OPRD1: variants seen among roughly 807,000 people sequenced by gnomAD.
The protein encoded by OPRD1 is delta-type opioid receptor.
Under a neutral mutation model 17.5 loss-of-function variants are expected in OPRD1, and 19 were observed. The observed-to-expected ratio is 1.09, with a 90% confidence interval of 0.76 to 1.60. The LOEUF (loss-of-function observed/expected upper bound fraction) is 1.60, where lower values mean the gene tolerates loss of function less well. OPRD1 is among the 40% of genes most tolerant of loss of function. The pLI, the probability that OPRD1 is intolerant of heterozygous loss-of-function variation, is 0.00. For synonymous variants in OPRD1, 256 were observed against 240.9 expected (o/e 1.06, Z -0.58); for missense variants, 483 against 547.2 (o/e 0.88, Z 1.17).
intron 2 of OPRD1, 150 bp from the exon 3 acceptor site, chr1:28,862,592 G>T: frequency 1.4e-6 from 1 of 701,718 alleles, no homozygotes; most frequent in Non-Finnish European, 2.3e-6. Context: ...AGCCGAGGAG[G>T]ACACTCCAGA....
chr1:28,846,595 A>C (rs2088945556), intron 1 of OPRD1, among the ~76,000 whole-genome samples: 1 of 151,922 alleles, frequency 6.6e-6, no homozygotes, highest in Admixed American at 6.6e-5. Flanking sequence ...AGGCACGAGA[A>C]TCGCTTGAAC....
intron 1 of OPRD1, among the ~76,000 whole-genome samples, chr1:28,827,951 G>C (rs2088780358): frequency 6.6e-6 from 1 of 151,856 alleles, no homozygotes; most frequent in South Asian, 2.1e-4. Context: ...GCCCAGGCTG[G>C]TCTCGAGCTC....
chr1:28,847,041 C>T (rs1404499661), intron 1 of OPRD1, among the ~76,000 whole-genome samples: 3 of 147,946 alleles, frequency 2.0e-5, no homozygotes, highest in African/African-American at 7.6e-5. Flanking sequence ...GTCCCCTTTC[C>T]TTTCCCCTTT....
chr1:28,834,450 G>A (rs1196981400), intron 1 of OPRD1, among the ~76,000 whole-genome samples: 1 of 147,118 alleles, frequency 6.8e-6, no homozygotes, highest in Non-Finnish European at 1.5e-5. Flanking sequence ...ACTCGATCTC[G>A]GTTCACTGCA....
At chr1:28,830,580 T>G (rs537741531) in intron 1 of OPRD1, among the ~76,000 whole-genome samples, 1 of 152,172 alleles carries the variant, frequency 6.6e-6, no homozygotes, top group Admixed American at 6.5e-5. Flanking sequence ...CCATAAGAGA[T>G]ATAATTATGA....
intron 1 of OPRD1, among the ~76,000 whole-genome samples, chr1:28,818,823 G>A (rs2088690332): frequency 6.6e-6 from 1 of 152,126 alleles, no homozygotes; most frequent in Non-Finnish European, 1.5e-5. Flanking sequence ...CTGGAGGCAG[G>A]CCCAGCATGA....
Position 28,863,334 on chromosome 1 carries a change from A to T in OPRD1, c.*51A>T. 2 of 1,399,492 alleles carry T rather than the reference A, an allele frequency of 1.4e-6. No individual in the cohort carries two copies. Among genetic ancestry groups the T allele is most frequent in the South Asian group, 3.2e-5 (2 of 63,220 alleles). The allele number at this position is 1,399,492 out of a possible 1,614,324, so 86.7% of individuals were successfully genotyped here. On this transcript the variant is annotated 3_prime_UTR_variant, in exon 3 of 3. Transcript: ENST00000234961. ...CCCTCCCTAGTGACCCGGAGGCCAC[A>T]TGAGTCCCAGTGGGAGGCGCGAGCC...
chr1:28,840,625 T>G (rs548340285), intron 1 of OPRD1, among the ~76,000 whole-genome samples: 1 of 152,226 alleles, frequency 6.6e-6, no homozygotes, highest in Non-Finnish European at 1.5e-5. Context: ...GAGGATTAAA[T>G]AATGTAAAAT....
In OPRD1 at chr1:28,812,449, C is replaced by T; in HGVS notation, c.66C>T (p.Ala22=). Residue 22 remains alanine, a synonymous_variant, in exon 1 of 3, where the codon GCC becomes GCT. Transcript: ENST00000234961. The part of the protein sequence containing the change: ...QPPLFANASD[A]YPSACPSAGA... Reference sequence around the variant, plus strand: ...CGCTCTTCGCCAACGCCTCGGACGCCTACCCTAGCGCCTGCCCCAGCGCTG... The same window carrying T: ...CGCTCTTCGCCAACGCCTCGGACGCTTACCCTAGCGCCTGCCCCAGCGCTG... 6.6e-7 allele frequency: 1 copy of T among 1,507,366 alleles called. No homozygotes were observed. Among genetic ancestry groups the T allele is most frequent in the Non-Finnish European group, 8.8e-7 (1 of 1,134,986 alleles). The allele number at this position is 1,507,366 out of a possible 1,614,324, so 93.4% of individuals were successfully genotyped here. A position where few individuals can be genotyped will look rare whatever the true frequency, so the allele number is the denominator to read the frequency against.
At chr1:28,822,173 C>T (rs1402513405) in intron 1 of OPRD1, among the ~76,000 whole-genome samples, 1 of 151,822 alleles carries the variant, frequency 6.6e-6, no homozygotes, top group Non-Finnish European at 1.5e-5. Flanking sequence ...CTGGTCTCTA[C>T]CTCCTGACCT....
chr1:28,814,445 G>T (rs567187234), intron 1 of OPRD1, among the ~76,000 whole-genome samples: 2 of 152,226 alleles, frequency 1.3e-5, no homozygotes, highest in Non-Finnish European at 2.9e-5. Context: ...TCTGACTAAA[G>T]AAGGGAGCTT....
intron 1 of OPRD1, among the ~76,000 whole-genome samples, chr1:28,828,999 A>AG (rs2088790301): frequency 6.6e-6 from 1 of 151,972 alleles, no homozygotes; most frequent in African/African-American, 2.4e-5. Context: ...CAAAAAAAAA[A>AG]AAAAAGGAGA....
At chr1:28,840,755 C>T (rs1464826828) in intron 1 of OPRD1, among the ~76,000 whole-genome samples, 1 of 151,944 alleles carries the variant, frequency 6.6e-6, no homozygotes, top group Admixed American at 6.6e-5. Flanking sequence ...AATCCCGGCT[C>T]CACTAAAAAT....
At chr1:28,830,075 G>A (rs572628153) in intron 1 of OPRD1, among the ~76,000 whole-genome samples, 23 of 152,248 alleles carry the variant, frequency 1.5e-4, no homozygotes, top group African/African-American at 4.1e-4. Context: ...CAATATTGTT[G>A]TGTCTCAGGG....
chr1:28,831,514 A>C (rs2088808779), intron 1 of OPRD1, among the ~76,000 whole-genome samples: 1 of 152,202 alleles, frequency 6.6e-6, no homozygotes, highest in East Asian at 1.9e-4. Flanking sequence ...GTCTCAAAAA[A>C]AAAAAAAAAG....
chr1:28,847,052 C>T (rs2088960249), intron 1 of OPRD1, among the ~76,000 whole-genome samples: 2 of 148,066 alleles, frequency 1.4e-5, no homozygotes, highest in South Asian at 2.2e-4. Context: ...TTTCCCCTTT[C>T]CTGTCCCCTT....
At chr1:28,855,516 C>T (rs1448769329) in intron 1 of OPRD1, among the ~76,000 whole-genome samples, 13 of 150,772 alleles carry the variant, frequency 8.6e-5, no homozygotes, top group African/African-American at 1.5e-4. Flanking sequence ...AGGGAGTCTA[C>T]GGTGGCCAGA....
chr1:28,860,842 G>A (rs1317183842), intron 2 of OPRD1, among the ~76,000 whole-genome samples: 1 of 152,160 alleles, frequency 6.6e-6, no homozygotes, highest in Non-Finnish European at 1.5e-5. Context: ...GGTTACCTTT[G>A]ACCCTCACAA....
chr1:28,812,672 A>T, intron 1 of OPRD1, 62 bp downstream of exon 1: 1 of 1,349,714 alleles, frequency 7.4e-7, no homozygotes, highest in Non-Finnish European at 9.7e-7. Context: ...GGGATCACGA[A>T]CTTGAGACCC....
Sources: allele counts gnomAD v4.1 joint callset (sites outside exome capture counted in the v4.1 genomes callset), GRCh38; gene constraint gnomAD v4.1.1; transcripts MANE v1.5; gene names NCBI Gene and HGNC (gene_info 2026-07-23, HGNC 2026-07-21).